The following TENM3 variants were observed in gnomAD, a reference collection of about 807,000 sequenced individuals.
TENM3 encodes the protein teneurin transmembrane protein 3, also known as teneurin-3.
A neutral mutation model predicts 255.1 loss-of-function variants in TENM3; 63 were observed. The ratio of observed to expected loss-of-function variants is 0.25; its 90% CI spans 0.20 to 0.30. The LOEUF is 0.30. Ranked by LOEUF, TENM3 falls within the 10% of genes least tolerant of loss-of-function variation. The probability of loss-of-function intolerance (pLI) is 1.00; values close to 1 mark genes in which losing one functional copy is unlikely to be tolerated. For missense variants in TENM3, 2,929 were observed against 3,461.1 expected (o/e 0.85, Z 3.86); for synonymous variants, 1,306 against 1,322.3 (o/e 0.99, Z 0.27).
rs75177325 is a variant in TENM3, at chr4:182,324,974, A to G, written c.232+722A>G. On this transcript the variant is annotated intron_variant, in intron 2 of 27. Transcript: ENST00000511685. ...CACTCTCCTAAACCTACCCATTTCT[A>G]CTCTTAAGACAGTAGGTTATTTTTT... Among the ~76,000 whole-genome samples, 203 of 151,744 alleles carry G rather than the reference A, an allele frequency of 1.3e-3. 1 individual carries two copies. The highest frequency in any genetic ancestry group is 4.9e-3 in the African/African-American group (201 of 41,380).
At chr4:182,765,914 C>G (rs1331875756) in intron 22 of TENM3, among the ~76,000 whole-genome samples, 1 of 152,212 alleles carries the variant, frequency 6.6e-6, no homozygotes, top group African/African-American at 2.4e-5. Context: ...ACCAAATTTC[C>G]TCTGCTAAAA....
the TENM3 span, among the ~76,000 whole-genome samples, chr4:181,777,985 C>T: frequency 6.6e-6 from 1 of 152,042 alleles, no homozygotes; most frequent in Non-Finnish European, 1.5e-5. Context: ...TTGCTTTTAC[C>T]TACCCGTTAC....
intron 2 of TENM3, among the ~76,000 whole-genome samples, chr4:182,329,499 C>G (rs1432529516): frequency 1.3e-5 from 2 of 152,164 alleles, no homozygotes; most frequent in East Asian, 1.9e-4. Context: ...ATTTCCCGCT[C>G]TTTCTTAAAG....
chr4:181,589,172 A>G, the TENM3 span, among the ~76,000 whole-genome samples: 1 of 152,216 alleles, frequency 6.6e-6, no homozygotes, highest in Non-Finnish European at 1.5e-5. Context: ...TGTCTTGGAA[A>G]AGGAGACTGG....
At chr4:182,585,598 C>T (rs1351153233) in intron 3 of TENM3, among the ~76,000 whole-genome samples, 1 of 152,190 alleles carries the variant, frequency 6.6e-6, no homozygotes, top group African/African-American at 2.4e-5. Flanking sequence ...CCAACCGACC[C>T]TGCCAGACCT....
At position 182,592,511 on chromosome 4, in the gene TENM3, G is replaced by A. The variant is rs534906786; in HGVS notation, c.512-8413G>A. Among the ~76,000 whole-genome samples the A allele has an allele frequency of 2.0e-5, 3 of 152,330 alleles. No homozygotes were observed. In the South Asian group the frequency reaches 6.2e-4, roughly 32 times the overall value. ...GGCCAAGGTGGGTGGATCACCTGAG[G>A]TGAGGAGTTCAAGACCAACCAGGCC... On this transcript the variant is annotated intron_variant, in intron 3 of 27. Transcript: ENST00000511685.
the TENM3 span, among the ~76,000 whole-genome samples, chr4:181,857,551 C>CAAAAAAAAAAAAAAAAAAAAAAAAAAAA: frequency 9.5e-6 from 1 of 104,798 alleles, no homozygotes; most frequent in Non-Finnish European, 1.8e-5. Flanking sequence ...CCTGTCTCTA[C>CAAAAAAAAAAAAAAAAAAAAAAAAAAAA]AAAAAAAAAA....
the TENM3 span, among the ~76,000 whole-genome samples, chr4:181,949,641 A>G: frequency 6.6e-6 from 1 of 152,254 alleles, no homozygotes; most frequent in African/African-American, 2.4e-5. Flanking sequence ...GTCCCTTTTA[A>G]TATGAAAGTC....
chr4:182,695,957 AGT>A (rs1402673899), intron 12 of TENM3, among the ~76,000 whole-genome samples: 1 of 152,220 alleles, frequency 6.6e-6, no homozygotes, highest in Admixed American at 6.5e-5. Context: ...TGAGTTCAAC[AGT>A]GTGTGAAATC....
chr4:181,848,785 T>C, the TENM3 span, among the ~76,000 whole-genome samples: 1 of 152,180 alleles, frequency 6.6e-6, no homozygotes, highest in East Asian at 1.9e-4. Context: ...AAAAGTGATG[T>C]GATGAATCAG....
At chr4:181,991,107 C>A in the TENM3 span, among the ~76,000 whole-genome samples, 1 of 152,020 alleles carries the variant, frequency 6.6e-6, no homozygotes, top group East Asian at 1.9e-4. Context: ...GAATTACTTT[C>A]ATAAACAGGA....
chr4:182,183,602 T>A (rs1197761931), intron 1 of TENM3, among the ~76,000 whole-genome samples: 1 of 152,198 alleles, frequency 6.6e-6, no homozygotes, highest in Non-Finnish European at 1.5e-5. Flanking sequence ...AGCTGAAGTT[T>A]AACATACTGA....
At chr4:182,447,834 C>T (rs139237679) in intron 3 of TENM3, among the ~76,000 whole-genome samples, 2 of 152,012 alleles carry the variant, frequency 1.3e-5, no homozygotes, top group Non-Finnish European at 2.9e-5. Flanking sequence ...TCATTCAATT[C>T]TCAGTTTAAT....
chr4:181,483,037 A>G, the TENM3 span, among the ~76,000 whole-genome samples: 1 of 152,176 alleles, frequency 6.6e-6, no homozygotes, highest in East Asian at 1.9e-4. Context: ...GCAAAAGCAG[A>G]AAAACGTTAT....
chr4:182,064,554 C>T, the TENM3 span, among the ~76,000 whole-genome samples: 1 of 151,940 alleles, frequency 6.6e-6, no homozygotes, highest in African/African-American at 2.4e-5. Context: ...CTGCTCCAGC[C>T]TGGGCAACAG....
chr4:182,311,163 T>C (rs2150416709), intron 1 of TENM3, among the ~76,000 whole-genome samples: 1 of 152,350 alleles, frequency 6.6e-6, no homozygotes, highest in African/African-American at 2.4e-5. Context: ...GTCATTTATG[T>C]TCTTCTCTAA....
intron 3 of TENM3, among the ~76,000 whole-genome samples, chr4:182,356,592 G>A (rs925357867): frequency 3.9e-5 from 6 of 152,112 alleles, no homozygotes; most frequent in Non-Finnish European, 8.8e-5. Context: ...GAGTAGAGGC[G>A]ATTGAGGGAA....
chr4:181,778,449 C>T, the TENM3 span, among the ~76,000 whole-genome samples: 209 of 152,170 alleles, frequency 1.4e-3, 5 homozygotes, highest in South Asian at 0.041. Flanking sequence ...AGATGAAGAA[C>T]GGGAAAACTT....
At chr4:182,475,950 G>T (rs937888523) in intron 3 of TENM3, among the ~76,000 whole-genome samples, 15 of 152,126 alleles carry the variant, frequency 9.9e-5, no homozygotes, top group Admixed American at 3.9e-4. Context: ...AGTCTCTCTC[G>T]TACATTTGAA....
Sources: gnomAD v4.1 joint callset for allele counts (sites outside exome capture counted in the v4.1 genomes callset) on GRCh38, gnomAD v4.1.1 for gene constraint, MANE v1.5 for transcripts, NCBI Gene and HGNC (gene_info 2026-07-23, HGNC 2026-07-21) for gene names.